The following TRMT10B variants were observed in gnomAD, a reference collection of about 807,000 sequenced individuals.
The protein encoded by TRMT10B is tRNA methyltransferase 10B.
TRMT10B carries 33 observed loss-of-function variants against 43.8 expected under a neutral mutation model. The ratio of observed to expected loss-of-function variants is 0.75; its 90% CI spans 0.57 to 1.01. The LOEUF is 1.01. Among genes scored for constraint, TRMT10B ranks in the 50% least tolerant of loss-of-function variants. The pLI is 0.00. For synonymous variants in TRMT10B, 137 were observed against 130.6 expected, an observed-to-expected ratio of 1.05 and a Z score of -0.34; for missense variants, 362 against 369.8, an observed-to-expected ratio of 0.98 and a Z score of 0.17.
In TRMT10B at chr9:37,768,066, T is replaced by G. The variant is rs764778776; in HGVS notation, c.421-10T>G. The G allele has an allele frequency of 6.2e-7, 1 of 1,612,982 alleles. No individual in the cohort carries two copies. The highest frequency in any genetic ancestry group is 1.1e-5 in the South Asian group (1 of 90,960). ...TGTTTTTGCCCTGAGTTGTTCTTATTTCTTTGAAGGAATTAAGTAGACTGG... is the reference window on the plus strand; with the variant it reads ...TGTTTTTGCCCTGAGTTGTTCTTATGTCTTTGAAGGAATTAAGTAGACTGG... On this transcript the variant is annotated splice_polypyrimidine_tract_variant and intron_variant, in intron 4 of 8. Coordinates refer to ENST00000297994, the MANE Select transcript of TRMT10B (RefSeq NM_144964.4).
chr9:37,756,660 A>G (rs1048684652), intron 1 of TRMT10B, among the ~76,000 whole-genome samples: 1 of 151,846 alleles, frequency 6.6e-6, no homozygotes, highest in Non-Finnish European at 1.5e-5. Flanking sequence ...GAGTCATGAG[A>G]TTGCAATGAG....
chr9:37,767,423 G>C (rs1007384428), intron 4 of TRMT10B: 1 of 145,574 alleles, frequency 6.9e-6, no homozygotes, highest in Non-Finnish European at 1.5e-5. Context: ...TGAGGTAGGA[G>C]GATCACTTGA....
chr9:37,764,316 T>A lies in TRMT10B; in HGVS notation c.420+563T>A, dbSNP rs896958960. Reference sequence around the variant, plus strand: ...GGCGTCTGCCACCACGCCTGACAAATTTTTTTTTTTTTTTTTTTTTTTGGA... The same window carrying A: ...GGCGTCTGCCACCACGCCTGACAAAATTTTTTTTTTTTTTTTTTTTTTGGA... On this transcript the variant is annotated intron_variant, in intron 4 of 8. Transcript: ENST00000297994. 3.3e-5 allele frequency among the ~76,000 whole-genome samples: 2 copies of A among 60,792 alleles called. 1 individual carries two copies. Among genetic ancestry groups the A allele is most frequent in the Non-Finnish European group, 7.4e-5 (2 of 26,932 alleles). 39.9% of individuals were successfully genotyped at this position (60,792 alleles called of 152,430 possible).
intron 1 of TRMT10B, among the ~76,000 whole-genome samples, chr9:37,756,725 GATATATATAT>G (rs140692484): frequency 6.8e-6 from 1 of 147,114 alleles, no homozygotes; most frequent in East Asian, 2.0e-4. Context: ...ATCTCAAAAA[GATATATATAT>G]ATATATACAC....
chr9:37,765,958 A>G (rs1273381803), intron 4 of TRMT10B, among the ~76,000 whole-genome samples: 2 of 139,934 alleles, frequency 1.4e-5, no homozygotes, highest in East Asian at 4.0e-4. Context: ...ATTTGAGTTC[A>G]TTGTAGATTC....
Position 37,763,733 on chromosome 9 carries a change from A to AC in TRMT10B, c.403dup (p.His135ProfsTer10). On this transcript the variant is annotated frameshift_variant, in exon 4 of 9. Transcript: ENST00000297994. LOFTEE classifies it high-confidence loss of function. ...AAGACTATGTATCGATTTGAGTATGACCCACTACATGTCAAAGAAGGTAGA... is the reference window on the plus strand; with the variant it reads ...AAGACTATGTATCGATTTGAGTATGACCCCACTACATGTCAAAGAAGGTAGA... 6.2e-7 allele frequency: 1 copy of AC among 1,614,110 alleles called. No individual in the cohort carries two copies. Among genetic ancestry groups the AC allele is most frequent in the Non-Finnish European group, 8.5e-7 (1 of 1,179,994 alleles).
At chr9:37,771,984 C>G (rs1050622998) in intron 7 of TRMT10B, among the ~76,000 whole-genome samples, 2 of 151,912 alleles carry the variant, frequency 1.3e-5, no homozygotes, top group African/African-American at 4.8e-5. Context: ...GCTAGGACTA[C>G]AGGCCCATGC....
intron 1 of TRMT10B, among the ~76,000 whole-genome samples, chr9:37,758,457 C>T (rs781704060): frequency 6.6e-6 from 1 of 152,072 alleles, no homozygotes; most frequent in Non-Finnish European, 1.5e-5. Context: ...TTAGAAAATA[C>T]CACGGGGATA....
At chr9:37,770,762 A>AC in intron 7 of TRMT10B, 23 bp downstream of exon 7, 1 of 1,612,512 alleles carries the variant, frequency 6.2e-7, no homozygotes, top group Non-Finnish European at 8.5e-7. Flanking sequence ...TTCAGCCCCA[A>AC]CATCTGTTTT....
intron 8 of TRMT10B, 98 bp downstream of exon 8, chr9:37,776,503 A>C: frequency 1.4e-6 from 2 of 1,418,404 alleles, no homozygotes; most frequent in Non-Finnish European, 1.9e-6. Context: ...CTCTGTGACT[A>C]ATGTGTGTGG....
intron 1 of TRMT10B, among the ~76,000 whole-genome samples, chr9:37,756,409 T>G (rs1825678930): frequency 1.5e-5 from 2 of 130,566 alleles, no homozygotes; most frequent in African/African-American, 2.9e-5. Context: ...TATCTTTTGT[T>G]TAAAAAAAAA....
At chr9:37,772,362 G>C (rs1827684020) in intron 7 of TRMT10B, among the ~76,000 whole-genome samples, 1 of 151,602 alleles carries the variant, frequency 6.6e-6, no homozygotes, top group Admixed American at 6.6e-5. Context: ...TTGTTGCCCA[G>C]ACTAGTCTCA....
chr9:37,753,396 C>G (rs887962025), upstream of TRMT10B, among the ~76,000 whole-genome samples: 1 of 152,172 alleles, frequency 6.6e-6, no homozygotes, highest in African/African-American at 2.4e-5. Context: ...CATGTCCAAC[C>G]GCCCCGCTCC....
At chr9:37,761,853 CTATG>C in intron 1 of TRMT10B, 46 bp from the exon 2 acceptor site, 1 of 1,301,808 alleles carries the variant, frequency 7.7e-7, no homozygotes, top group Non-Finnish European at 1.1e-6. Flanking sequence ...AGGGAGATAC[CTATG>C]TTAGTGAAAT....
intron 5 of TRMT10B, among the ~76,000 whole-genome samples, chr9:37,768,484 T>C (rs1827221465): frequency 6.6e-6 from 1 of 152,214 alleles, no homozygotes; most frequent in South Asian, 2.1e-4. Flanking sequence ...AGGAATATTT[T>C]TGGGAAATGC....
At chr9:37,775,235 A>T (rs1332379995) in intron 7 of TRMT10B, among the ~76,000 whole-genome samples, 3 of 152,248 alleles carry the variant, frequency 2.0e-5, no homozygotes, top group Non-Finnish European at 4.4e-5. Context: ...TAGAGAACAG[A>T]CAATGAATGG....
intron 7 of TRMT10B, 44 bp from the exon 8 acceptor site, chr9:37,776,238 A>G: frequency 2.2e-6 from 3 of 1,386,586 alleles, no homozygotes; most frequent in Non-Finnish European, 2.8e-6. Context: ...GAATATACTC[A>G]TGTATAATTT....
At chr9:37,763,073 T>C (rs749075020) in intron 3 of TRMT10B, among the ~76,000 whole-genome samples, 1 of 142,978 alleles carries the variant, frequency 7.0e-6, no homozygotes, top group Non-Finnish European at 1.5e-5. Context: ...CCTGGGAGAT[T>C]AGAGGTTGCA....
intron 4 of TRMT10B, among the ~76,000 whole-genome samples, chr9:37,765,879 TGTC>T (rs1220615092): frequency 3.3e-5 from 5 of 152,184 alleles, no homozygotes; most frequent in African/African-American, 9.7e-5. Flanking sequence ...GCTGCATAAA[TGTC>T]GTCTTTTGAG....
Sources: allele counts gnomAD v4.1 joint callset (sites outside exome capture counted in the v4.1 genomes callset), GRCh38; gene constraint gnomAD v4.1.1; transcripts MANE v1.5; gene names NCBI Gene and HGNC (gene_info 2026-07-23, HGNC 2026-07-21).